The following IQGAP2 variants were observed in gnomAD, a reference collection of about 807,000 sequenced individuals.
IQGAP2 encodes ras GTPase-activating-like protein IQGAP2.
IQGAP2 carries 173 observed loss-of-function variants against 201.3 expected under a neutral mutation model. That is an observed-to-expected ratio of 0.86 (90% CI 0.76 to 0.98). The LOEUF is 0.98. Ranked by LOEUF, IQGAP2 falls within the 50% of genes least tolerant of loss-of-function variation. The pLI, the probability that IQGAP2 is intolerant of heterozygous loss-of-function variation, is 0.00. For missense variants in IQGAP2, 1,687 were observed against 1,864.8 expected (o/e 0.90, Z 1.76); for synonymous variants, 675 against 673.9 (o/e 1.00, Z -0.03).
chr5:76,421,843 T>C (rs1054342347), intron 1 of IQGAP2, among the ~76,000 whole-genome samples: 2 of 152,210 alleles, frequency 1.3e-5, no homozygotes, highest in Non-Finnish European at 1.5e-5. Context: ...TATGGGATTT[T>C]CAAAATAGAA....
chr5:76,536,942 G>A (rs1199764298), intron 2 of IQGAP2, among the ~76,000 whole-genome samples: 1 of 152,120 alleles, frequency 6.6e-6, no homozygotes, highest in Admixed American at 6.5e-5. Context: ...TTCCCTTCTA[G>A]TATCACTGAG....
At position 76,631,932 on chromosome 5, in the gene IQGAP2, G is replaced by A. The variant is rs1750742285; in HGVS notation, c.1686G>A (p.Lys562=). 3 of 1,612,528 alleles carry A rather than the reference G, an allele frequency of 1.9e-6. No individual in the cohort carries two copies. The highest frequency in any genetic ancestry group is 2.5e-6 in the Non-Finnish European group (3 of 1,179,110). The change falls in exon 15 of 36, where the codon AAG becomes AAA. Residue 562 remains lysine (K), a synonymous_variant. Coordinates refer to ENST00000274364, the MANE Select transcript of IQGAP2 (RefSeq NM_006633.5). ...CAAGTGATATTTTGTCTGTATTGAAGTCTTCCACTTCTAATGCAAATGACA... is the reference window on the plus strand; with the variant it reads ...CAAGTGATATTTTGTCTGTATTGAAATCTTCCACTTCTAATGCAAATGACA... ...KKSSDILSVL[K]SSTSNANDII...
intron 1 of IQGAP2, among the ~76,000 whole-genome samples, chr5:76,429,611 TATACATATATAA>T: frequency 1.4e-5 from 2 of 145,060 alleles, no homozygotes; most frequent in South Asian, 2.1e-4. Flanking sequence ...TATTTATATA[TATACATATATAA>T]ATTTATATAT....
Position 76,412,326 on chromosome 5 carries a change from T to G in IQGAP2, c.46+8735T>G, listed in dbSNP as rs1751172138. On this transcript the variant is annotated intron_variant, in intron 1 of 35. Coordinates refer to ENST00000274364, the MANE Select transcript of IQGAP2 (RefSeq NM_006633.5). ...TAATTTTTTTAAAAATTAGGGTGGTTTATTTCTTGATAATTTTTATTAAGA... is the reference window on the plus strand; with the variant it reads ...TAATTTTTTTAAAAATTAGGGTGGTGTATTTCTTGATAATTTTTATTAAGA... Among the ~76,000 whole-genome samples the G allele has an allele frequency of 3.3e-5, 5 of 152,158 alleles. No homozygotes were observed. In the South Asian group the frequency reaches 1.0e-3, roughly 32 times the overall value.
At chr5:76,445,091 G>A (rs1481481715) in intron 1 of IQGAP2, among the ~76,000 whole-genome samples, 2 of 152,160 alleles carry the variant, frequency 1.3e-5, no homozygotes, top group Non-Finnish European at 2.9e-5. Flanking sequence ...ACGGTGAGGG[G>A]TGGGTGGCCT....
intron 2 of IQGAP2, among the ~76,000 whole-genome samples, chr5:76,483,642 C>T (rs760069153): frequency 6.6e-6 from 1 of 152,158 alleles, no homozygotes; most frequent in Non-Finnish European, 1.5e-5. Context: ...TCCTGGCCAC[C>T]CGGAGCACTG....
intron 17 of IQGAP2, among the ~76,000 whole-genome samples, chr5:76,647,305 G>A (rs1248604357): frequency 6.6e-6 from 1 of 152,102 alleles, no homozygotes; most frequent in Non-Finnish European, 1.5e-5. Flanking sequence ...TTTTCTTTTT[G>A]TTTATATTTT....
intron 1 of IQGAP2, among the ~76,000 whole-genome samples, chr5:76,423,367 A>T (rs1320986873): frequency 1.3e-5 from 2 of 152,214 alleles, no homozygotes; most frequent in African/African-American, 4.8e-5. Context: ...TCATGCCTGT[A>T]ATCCCAGCAC....
intron 30 of IQGAP2, among the ~76,000 whole-genome samples, chr5:76,692,904 C>T (rs192849331): frequency 1.1e-3 from 166 of 152,262 alleles, no homozygotes; most frequent in Admixed American, 3.1e-3. Flanking sequence ...GTTGGTCTGG[C>T]TCCTAAAGGC....
At chr5:76,426,905 G>GGTGTGTGTGTGTGTGTGTGTGTGTGT (rs141560559) in intron 1 of IQGAP2, among the ~76,000 whole-genome samples, 2 of 146,586 alleles carry the variant, frequency 1.4e-5, no homozygotes, top group Non-Finnish European at 1.5e-5. Context: ...AACCATGGAG[G>GGTGTGTGTGTGTGTGTGTGTGTGTGT]GTGTGTGTGT....
intron 18 of IQGAP2, among the ~76,000 whole-genome samples, chr5:76,653,228 G>C (rs942084307): frequency 5.9e-5 from 9 of 152,176 alleles, no homozygotes; most frequent in African/African-American, 2.2e-4. Context: ...CATGATAAGA[G>C]GAAGTAGAGC....
intron 2 of IQGAP2, among the ~76,000 whole-genome samples, chr5:76,505,285 T>C (rs1561422937): frequency 6.6e-6 from 1 of 152,210 alleles, no homozygotes; most frequent in Non-Finnish European, 1.5e-5. Context: ...GCCAAGCAAT[T>C]TGTACACATC....
At chr5:76,459,723 C>A (rs1306670348) in intron 1 of IQGAP2, among the ~76,000 whole-genome samples, 1 of 152,124 alleles carries the variant, frequency 6.6e-6, no homozygotes, top group Non-Finnish European at 1.5e-5. Flanking sequence ...ACTGCAACCT[C>A]CGCCTCCTGG....
At chr5:76,705,695 G>T (rs1251358815) in intron 35 of IQGAP2, among the ~76,000 whole-genome samples, 1 of 152,142 alleles carries the variant, frequency 6.6e-6, no homozygotes, top group Non-Finnish European at 1.5e-5. Context: ...ATAATGTAGG[G>T]GTTTTCTTAA....
At chr5:76,562,708 GT>G (rs1417246975) in intron 3 of IQGAP2, among the ~76,000 whole-genome samples, 156 bp downstream of exon 3, 4 of 152,314 alleles carry the variant, frequency 2.6e-5, no homozygotes, top group African/African-American at 9.6e-5. Context: ...GGCAGCAGCA[GT>G]TTTAAAAAGC....
At position 76,619,808 on chromosome 5, in the gene IQGAP2, G is replaced by A. The variant is rs183699130; in HGVS notation, c.1522-7602G>A. 1.4e-3 allele frequency among the ~76,000 whole-genome samples: 206 copies of A among 152,234 alleles called. 2 individuals carry two copies. The highest frequency in any genetic ancestry group is 3.3e-3 in the African/African-American group (135 of 41,526). On this transcript the variant is annotated intron_variant, in intron 13 of 35. Coordinates refer to ENST00000274364, the MANE Select transcript of IQGAP2 (RefSeq NM_006633.5). ...GCTGGGATTACAGGCGTGAGCCACCGCGCCCGGCCAGTTAAGGATCTTAAA... is the reference window on the plus strand; with the variant it reads ...GCTGGGATTACAGGCGTGAGCCACCACGCCCGGCCAGTTAAGGATCTTAAA...
intron 13 of IQGAP2, chr5:76,618,321 G>A: frequency 6.2e-7 from 1 of 1,614,236 alleles, no homozygotes; most frequent in East Asian, 2.2e-5. Context: ...GTAGAATACA[G>A]TGGTACAGAT....
At position 76,615,801 on chromosome 5, in the gene IQGAP2, C is replaced by A. The variant is rs116836657; in HGVS notation, c.1521+4618C>A. The A allele has an allele frequency of 0.016, 2,362 of 152,364 alleles. 28 individuals are homozygous for A. The highest frequency in any genetic ancestry group is 0.076 in the South Asian group (364 of 4,796). The allele number at this position is 152,364 out of a possible 1,614,324, so 9.4% of individuals were successfully genotyped here. A position where few individuals can be genotyped will look rare whatever the true frequency, so the allele number is the denominator to read the frequency against. On this transcript the variant is annotated intron_variant, in intron 13 of 35. Transcript: ENST00000274364. ...TCCATTTCCCCATTAAAAGCTATGT[C>A]TAAGAAAAAAAATAGTGGAGGCATT...
intron 5 of IQGAP2, 61 bp downstream of exon 5, chr5:76,575,830 T>G: frequency 1.0e-6 from 1 of 969,352 alleles, no homozygotes; most frequent in Non-Finnish European, 1.5e-6. Context: ...AACTAAAATT[T>G]CAATTTTAAA....
Sources: allele counts gnomAD v4.1 joint callset (sites outside exome capture counted in the v4.1 genomes callset), GRCh38; gene constraint gnomAD v4.1.1; transcripts MANE v1.5; gene names NCBI Gene and HGNC (gene_info 2026-07-23, HGNC 2026-07-21).